SGCZ: variants seen among roughly 807,000 people sequenced by gnomAD.
SGCZ encodes the protein zeta-sarcoglycan.
SGCZ carries 40 observed loss-of-function variants against 41.3 expected under a neutral mutation model. The ratio of observed to expected loss-of-function variants is 0.97; its 90% confidence interval spans 0.75 to 1.26. The LOEUF (loss-of-function observed/expected upper bound fraction) is 1.26, where lower values mean the gene tolerates loss of function less well. Ranked by LOEUF, SGCZ falls within the 50% of genes most tolerant of loss-of-function variation. The pLI is 0.00. For missense variants in SGCZ, 552 were observed against 369.8 expected (o/e 1.49, Z -4.04); for synonymous variants, 206 against 137.5 (o/e 1.50, Z -3.49).
chr8:14,681,444 C>A (rs1263484737), intron 1 of SGCZ, among the ~76,000 whole-genome samples: 3 of 152,120 alleles, frequency 2.0e-5, no homozygotes, highest in African/African-American at 7.2e-5. Flanking sequence ...ATCACATTAT[C>A]ATGTATAGGT....
intron 4 of SGCZ, among the ~76,000 whole-genome samples, chr8:14,191,168 GC>G (rs1761340192): frequency 6.6e-6 from 1 of 152,062 alleles, no homozygotes; most frequent in African/African-American, 2.4e-5. Flanking sequence ...AAGGTTCTTT[GC>G]CCATTTTTAA....
chr8:15,225,587 T>C (rs1801742808), intron 1 of SGCZ, among the ~76,000 whole-genome samples: 1 of 152,298 alleles, frequency 6.6e-6, no homozygotes, highest in African/African-American at 2.4e-5. Flanking sequence ...TAGCAAGCTC[T>C]GTATCATGGT....
At chr8:14,854,991 C>T (rs1265228405) in intron 1 of SGCZ, among the ~76,000 whole-genome samples, 1 of 151,120 alleles carries the variant, frequency 6.6e-6, no homozygotes, top group Non-Finnish European at 1.5e-5. Flanking sequence ...ATCTGGTATG[C>T]TCTCCCACCT....
intron 1 of SGCZ, among the ~76,000 whole-genome samples, chr8:14,650,002 G>T (rs1000730557): frequency 1.3e-5 from 2 of 152,028 alleles, no homozygotes; most frequent in Admixed American, 1.3e-4. Flanking sequence ...TGACATCCTT[G>T]CCAGGAAACT....
At chr8:14,652,057 C>G (rs535648385) in intron 1 of SGCZ, among the ~76,000 whole-genome samples, 1 of 151,676 alleles carries the variant, frequency 6.6e-6, no homozygotes, top group Non-Finnish European at 1.5e-5. Flanking sequence ...ATCTTTATCA[C>G]GGAAAGAATA....
At chr8:14,660,862 C>T (rs557175868) in intron 1 of SGCZ, among the ~76,000 whole-genome samples, 2 of 152,120 alleles carry the variant, frequency 1.3e-5, no homozygotes, top group Admixed American at 1.3e-4. Flanking sequence ...TTTGTTCTAA[C>T]TGGAAACTGA....
chr8:14,542,208 T>C (rs1436572408), intron 2 of SGCZ, among the ~76,000 whole-genome samples: 1 of 152,112 alleles, frequency 6.6e-6, no homozygotes, highest in Non-Finnish European at 1.5e-5. Flanking sequence ...TCTTTGTCCA[T>C]GCCTGTTTCC....
At chr8:15,040,605 G>C (rs1410791276) in intron 1 of SGCZ, among the ~76,000 whole-genome samples, 1 of 152,122 alleles carries the variant, frequency 6.6e-6, no homozygotes, top group African/African-American at 2.4e-5. Context: ...TGGGCAACAA[G>C]AGCAAAACTC....
At chr8:15,024,225 G>C (rs1195426881) in intron 1 of SGCZ, among the ~76,000 whole-genome samples, 3 of 151,986 alleles carry the variant, frequency 2.0e-5, no homozygotes, top group Admixed American at 6.6e-5. Context: ...AAGTTTTCAT[G>C]GTGCTTTTGA....
At chr8:14,542,685 T>G (rs1803506805) in intron 2 of SGCZ, among the ~76,000 whole-genome samples, 1 of 152,106 alleles carries the variant, frequency 6.6e-6, no homozygotes, top group South Asian at 2.1e-4. Flanking sequence ...CTACATCACT[T>G]CTCTCCATTA....
chr8:14,655,514 T>A (rs1415183670), intron 1 of SGCZ, among the ~76,000 whole-genome samples: 1 of 152,150 alleles, frequency 6.6e-6, no homozygotes, highest in Non-Finnish European at 1.5e-5. Flanking sequence ...CAACTTTGGT[T>A]AGAAAGTTAA....
chr8:14,746,979 G>A (rs1799355234), intron 1 of SGCZ, among the ~76,000 whole-genome samples: 1 of 152,158 alleles, frequency 6.6e-6, no homozygotes, highest in Non-Finnish European at 1.5e-5. Flanking sequence ...ACCTGATACA[G>A]TTTATTCTCT....
At chr8:14,286,523 G>A (rs1170186406) in intron 3 of SGCZ, among the ~76,000 whole-genome samples, 8 of 152,052 alleles carry the variant, frequency 5.3e-5, no homozygotes, top group Admixed American at 1.3e-4. Context: ...GGTTGTACCC[G>A]AGTTTAAATG....
intron 1 of SGCZ, among the ~76,000 whole-genome samples, chr8:14,686,970 T>C (rs1012341164): frequency 1.2e-4 from 18 of 151,734 alleles, no homozygotes; most frequent in Non-Finnish European, 1.0e-4. Context: ...TATTCAGTAA[T>C]AATATTAAAT....
intron 1 of SGCZ, among the ~76,000 whole-genome samples, chr8:14,880,432 A>G (rs950460344): frequency 6.6e-6 from 1 of 152,156 alleles, no homozygotes; most frequent in Non-Finnish European, 1.5e-5. Flanking sequence ...ATACCATTTG[A>G]CCCAGCCATC....
At chr8:15,207,517 G>A (rs1325323693) in intron 1 of SGCZ, among the ~76,000 whole-genome samples, 7 of 152,220 alleles carry the variant, frequency 4.6e-5, no homozygotes, top group African/African-American at 1.7e-4. Flanking sequence ...AGTCGGCAGA[G>A]AAGTGGAGCA....
rs533057626 is a variant in SGCZ, at chr8:15,001,032, T to G, written c.39+236553A>C. Among the ~76,000 whole-genome samples, 14 of 152,250 alleles carry G rather than the reference T, an allele frequency of 9.2e-5. No individual in the cohort carries two copies. In the South Asian group the frequency reaches 2.9e-3, roughly 32 times the overall value. On this transcript the variant is annotated intron_variant, in intron 1 of 7. Transcript: ENST00000382080. ...GGAAAATGGAAACCAAAACTGAAGC[T>G]CTGGCAAAAGGGACAACAACGGCTG...
intron 3 of SGCZ, among the ~76,000 whole-genome samples, chr8:14,274,722 AT>A (rs200737288): frequency 6.6e-6 from 1 of 151,880 alleles, no homozygotes; most frequent in Non-Finnish European, 1.5e-5. Context: ...TCCACATATA[AT>A]TTTTTTCACA....
chr8:14,099,012 G>C (rs1413750424), intron 7 of SGCZ, among the ~76,000 whole-genome samples: 1 of 152,086 alleles, frequency 6.6e-6, no homozygotes, highest in African/African-American at 2.4e-5. Context: ...CCAAACCATA[G>C]CTCCACCCAT....
Sources: gnomAD v4.1 joint callset for allele counts (sites outside exome capture counted in the v4.1 genomes callset) on GRCh38, gnomAD v4.1.1 for gene constraint, MANE v1.5 for transcripts, NCBI Gene and HGNC (gene_info 2026-07-23, HGNC 2026-07-21) for gene names.